Variants in CSMD1 observed in about 807,000 individuals in gnomAD.
CSMD1 encodes the protein CUB and sushi domain-containing protein 1.
Under a neutral mutation model 417.5 loss-of-function variants are expected in CSMD1, and 213 were observed. That is an observed-to-expected ratio of 0.51 (90% CI 0.46 to 0.57). The LOEUF (loss-of-function observed/expected upper bound fraction) is 0.57, where lower values mean the gene tolerates loss of function less well. Ranked by LOEUF, CSMD1 falls within the 20% of genes least tolerant of loss-of-function variation. The probability of loss-of-function intolerance (pLI) is 0.00; values close to 1 mark genes in which losing one functional copy is unlikely to be tolerated. For synonymous variants in CSMD1, 2,862 were observed against 1,736.8 expected (o/e 1.65, Z -16.11); for missense variants, 6,923 against 4,529.7 (o/e 1.53, Z -15.17).
intron 26 of CSMD1, among the ~76,000 whole-genome samples, chr8:3,232,906 C>T (rs1347507090): frequency 1.3e-5 from 2 of 151,264 alleles, no homozygotes; most frequent in East Asian, 3.9e-4. Context: ...TATTCTCTTC[C>T]TAATTACATG....
intron 7 of CSMD1, among the ~76,000 whole-genome samples, chr8:3,634,519 G>A (rs1485008201): frequency 6.6e-6 from 1 of 152,130 alleles, no homozygotes; most frequent in East Asian, 1.9e-4. Flanking sequence ...CCCGGACTCT[G>A]CCCATGTACC....
intron 7 of CSMD1, among the ~76,000 whole-genome samples, chr8:3,668,131 T>C (rs944769231): frequency 2.6e-5 from 4 of 152,012 alleles, no homozygotes; most frequent in South Asian, 2.1e-4. Context: ...TGAACACAAT[T>C]TGGACAGATA....
intron 3 of CSMD1, among the ~76,000 whole-genome samples, chr8:4,065,216 A>G (rs956012535): frequency 6.6e-6 from 1 of 152,220 alleles, no homozygotes; most frequent in Non-Finnish European, 1.5e-5. Context: ...GAAAGAAAAT[A>G]GTCCTAAACA....
At chr8:3,235,758 G>T (rs1229916688) in intron 26 of CSMD1, among the ~76,000 whole-genome samples, 1 of 151,874 alleles carries the variant, frequency 6.6e-6, no homozygotes, top group Non-Finnish European at 1.5e-5. Context: ...AGTACCTTTT[G>T]TAGTTCTCAA....
intron 25 of CSMD1, among the ~76,000 whole-genome samples, chr8:3,291,001 C>G (rs537106286): frequency 6.6e-5 from 10 of 152,266 alleles, no homozygotes; most frequent in South Asian, 4.1e-4. Context: ...TACGTCCCAT[C>G]AACACCTAAT....
At chr8:3,803,080 C>G (rs138477137) in intron 5 of CSMD1, among the ~76,000 whole-genome samples, 2 of 152,268 alleles carry the variant, frequency 1.3e-5, no homozygotes, top group African/African-American at 4.8e-5. Flanking sequence ...GCCTTTTGGT[C>G]TATCTCTATC....
rs34170550 is a variant in CSMD1 at position 4,486,142 on chromosome 8, C to CAT, written c.303-66079_303-66078dup. On this transcript the variant is annotated intron_variant, in intron 2 of 69. Transcript: ENST00000635120. ...ACATACATATATATATATATACATACATATATATATATATACATACATATA... is the reference window on the plus strand; with the variant it reads ...ACATACATATATATATATATACATACATATATATATATATATACATACATATA... Among the ~76,000 whole-genome samples, 119 of 33,448 alleles carry CAT rather than the reference C, an allele frequency of 3.6e-3. 7 individuals are homozygous for CAT. Among genetic ancestry groups the CAT allele is most frequent in the East Asian group, 5.6e-3 (4 of 720 alleles). The allele number at this position is 33,448 out of a possible 152,430, so 21.9% of individuals were successfully genotyped here.
At chr8:4,769,551 A>C (rs1796499942) in intron 1 of CSMD1, among the ~76,000 whole-genome samples, 1 of 152,230 alleles carries the variant, frequency 6.6e-6, no homozygotes, top group African/African-American at 2.4e-5. Context: ...TACCTATGTC[A>C]CCAAACAGCA....
intron 4 of CSMD1, among the ~76,000 whole-genome samples, chr8:4,026,839 G>C (rs1797087888): frequency 2.0e-5 from 3 of 152,196 alleles, no homozygotes. Flanking sequence ...GGGAGACTCT[G>C]TGGCAGTGTA....
At chr8:4,118,689 G>T (rs1010801357) in intron 3 of CSMD1, among the ~76,000 whole-genome samples, 8 of 152,152 alleles carry the variant, frequency 5.3e-5, no homozygotes, top group Non-Finnish European at 1.2e-4. Context: ...TGTGGTGATT[G>T]CTCAAGGATC....
intron 2 of CSMD1, among the ~76,000 whole-genome samples, chr8:4,498,566 C>T (rs1802091965): frequency 6.6e-6 from 1 of 152,074 alleles, no homozygotes. Context: ...CGTACTGAAA[C>T]TTGCAGAAAG....
chr8:4,299,681 T>C (rs934518480), intron 3 of CSMD1, among the ~76,000 whole-genome samples: 2 of 152,182 alleles, frequency 1.3e-5, no homozygotes, highest in African/African-American at 4.8e-5. Flanking sequence ...GTCGCCAGGC[T>C]GGATGCAGTG....
intron 1 of CSMD1, among the ~76,000 whole-genome samples, chr8:4,797,165 CT>C (rs1317062463): frequency 6.6e-6 from 1 of 152,182 alleles, no homozygotes; most frequent in East Asian, 1.9e-4. Flanking sequence ...GCAGCAGCAT[CT>C]CAGGCTCCAG....
chr8:3,868,809 G>A (rs920858863), intron 5 of CSMD1, among the ~76,000 whole-genome samples: 7 of 152,118 alleles, frequency 4.6e-5, no homozygotes, highest in Non-Finnish European at 7.4e-5. Context: ...AATCTGATCA[G>A]TCGTGTTTCA....
At chr8:4,182,398 G>T (rs1009558169) in intron 3 of CSMD1, among the ~76,000 whole-genome samples, 2 of 152,038 alleles carry the variant, frequency 1.3e-5, no homozygotes, top group African/African-American at 4.8e-5. Flanking sequence ...TTATTAGAGA[G>T]ATCAGTAAAT....
At chr8:4,313,914 T>A (rs1798771984) in intron 3 of CSMD1, among the ~76,000 whole-genome samples, 1 of 151,952 alleles carries the variant, frequency 6.6e-6, no homozygotes, top group Non-Finnish European at 1.5e-5. Flanking sequence ...CTTGGGAGGC[T>A]GAGTCAGGAG....
intron 49 of CSMD1, among the ~76,000 whole-genome samples, chr8:3,086,129 T>A (rs1814512982): frequency 6.6e-6 from 1 of 151,924 alleles, no homozygotes; most frequent in African/African-American, 2.4e-5. Context: ...ATAAACAGAG[T>A]CATAGAACAT....
At chr8:4,244,897 G>C (rs1802612388) in intron 3 of CSMD1, among the ~76,000 whole-genome samples, 1 of 152,078 alleles carries the variant, frequency 6.6e-6, no homozygotes, top group Admixed American at 6.6e-5. Context: ...AGATATAATG[G>C]AGATAACAAC....
chr8:4,519,689 G>A (rs1250908492), intron 2 of CSMD1, among the ~76,000 whole-genome samples: 2 of 133,460 alleles, frequency 1.5e-5, no homozygotes, highest in Admixed American at 8.5e-5. Flanking sequence ...GTTACAGTGA[G>A]CTGCGATTGT....
Sources: gnomAD v4.1 joint callset for allele counts (sites outside exome capture counted in the v4.1 genomes callset) on GRCh38, gnomAD v4.1.1 for gene constraint, MANE v1.5 for transcripts, NCBI Gene and HGNC (gene_info 2026-07-23, HGNC 2026-07-21) for gene names.